Variants in AXDND1 observed in about 807,000 individuals in gnomAD.
The protein encoded by AXDND1 is axonemal dynein light chain domain-containing protein 1.
AXDND1 carries 110 observed loss-of-function variants against 137.5 expected under a neutral mutation model. That is an observed-to-expected ratio of 0.80 (90% confidence interval 0.69 to 0.94). AXDND1 has a LOEUF of 0.94. Among genes scored for constraint, AXDND1 ranks in the 40% least tolerant of loss-of-function variants. AXDND1 has a pLI of 0.00. For synonymous variants in AXDND1, 414 were observed against 399.7 expected, an observed-to-expected ratio of 1.04 and a Z score of -0.43; for missense variants, 1,191 against 1,169.8, an observed-to-expected ratio of 1.02 and a Z score of -0.26.
intron 20 of AXDND1, among the ~76,000 whole-genome samples, chr1:179,508,371 A>G (rs1489430173): frequency 6.6e-6 from 1 of 151,852 alleles, no homozygotes; most frequent in South Asian, 2.1e-4. Context: ...AAAGAAATAT[A>G]AGGTATATTA....
intron 18 of AXDND1, among the ~76,000 whole-genome samples, chr1:179,485,104 G>A (rs1455408112): frequency 6.6e-6 from 1 of 152,178 alleles, no homozygotes; most frequent in Non-Finnish European, 1.5e-5. Context: ...ACATTGGTGG[G>A]CTACCCCCTG....
chr1:179,443,378 C>CT (rs1455263265), intron 15 of AXDND1, among the ~76,000 whole-genome samples: 2 of 152,120 alleles, frequency 1.3e-5, no homozygotes, highest in East Asian at 1.9e-4. Context: ...TTAATAACAT[C>CT]TTTTTTTATT....
chr1:179,404,074 A>G (rs1304042415), intron 11 of AXDND1, among the ~76,000 whole-genome samples: 2 of 152,178 alleles, frequency 1.3e-5, no homozygotes, highest in Non-Finnish European at 2.9e-5. Context: ...GTAAGTTTTG[A>G]TAAATTTTAG....
intron 25 of AXDND1, chr1:179,551,119 C>T: frequency 1.9e-6 from 3 of 1,608,056 alleles, no homozygotes; most frequent in Non-Finnish European, 2.6e-6. Context: ...CTCCCTCAGG[C>T]ATGTGACTTT....
chr1:179,447,248 A>G (rs1659868861), intron 16 of AXDND1, among the ~76,000 whole-genome samples: 1 of 152,202 alleles, frequency 6.6e-6, no homozygotes, highest in Non-Finnish European at 1.5e-5. Flanking sequence ...ATCTGCTATC[A>G]TTCTATTCTC....
intron 4 of AXDND1, among the ~76,000 whole-genome samples, chr1:179,377,904 G>A (rs1647558597): frequency 6.6e-6 from 1 of 152,270 alleles, no homozygotes; most frequent in African/African-American, 2.4e-5. Context: ...CGGGCATGGT[G>A]GCTCATGCCT....
chr1:179,400,095 T>G (rs1006959599), intron 11 of AXDND1, among the ~76,000 whole-genome samples: 1 of 152,110 alleles, frequency 6.6e-6, no homozygotes, highest in African/African-American at 2.4e-5. Context: ...GGAAAAGAAG[T>G]CATTATATGA....
intron 16 of AXDND1, chr1:179,457,026 C>T (rs1661503640): frequency 6.5e-7 from 1 of 1,542,868 alleles, no homozygotes. Context: ...ATCTTTTTCA[C>T]AGTTAAGTGG....
intron 17 of AXDND1, among the ~76,000 whole-genome samples, chr1:179,478,879 C>T (rs1027401116): frequency 2.6e-5 from 4 of 152,020 alleles, no homozygotes; most frequent in African/African-American, 7.2e-5. Context: ...GCAGGTGGAT[C>T]ACTTGAGGTC....
At chr1:179,519,443 C>T (rs1669855529) in intron 21 of AXDND1, among the ~76,000 whole-genome samples, 1 of 152,044 alleles carries the variant, frequency 6.6e-6, no homozygotes, top group Non-Finnish European at 1.5e-5. Context: ...TTGGCATCTT[C>T]ATTGTGAAAT....
At chr1:179,549,563 G>T (rs1264441229) in intron 25 of AXDND1, among the ~76,000 whole-genome samples, 1 of 152,094 alleles carries the variant, frequency 6.6e-6, no homozygotes, top group African/African-American at 2.4e-5. Flanking sequence ...AGTCATAAAA[G>T]CCATTTTTAC....
At chr1:179,542,554 A>G (rs1192374285) in intron 25 of AXDND1, among the ~76,000 whole-genome samples, 1 of 152,212 alleles carries the variant, frequency 6.6e-6, no homozygotes, top group Non-Finnish European at 1.5e-5. Flanking sequence ...TTAAAATTTC[A>G]TCTTCTTATA....
In AXDND1 at chr1:179,488,634, CCTTTCT is replaced by C. The variant is rs1207593692; in HGVS notation, c.2092-2903_2092-2898del. ...TTTCTTTCTTTCTCTCTCTCTCTCT[CCTTTCT>C]TTCTTTCTTTCTTTCTTTCTTTCTT... On this transcript the variant is annotated intron_variant, in intron 18 of 25. Transcript: ENST00000367618. Among the ~76,000 whole-genome samples the C allele has an allele frequency of 2.0e-3, 213 of 105,250 alleles. 39 individuals are homozygous for C. The highest frequency in any genetic ancestry group is 7.9e-3 in the African/African-American group (202 of 25,650). The allele number at this position is 105,250 out of a possible 152,430, so 69.0% of individuals were successfully genotyped here. A position where few individuals can be genotyped will look rare whatever the true frequency, so the allele number is the denominator to read the frequency against.
intron 20 of AXDND1, among the ~76,000 whole-genome samples, chr1:179,497,374 G>A (rs1290322762): frequency 1.3e-5 from 2 of 152,010 alleles, no homozygotes; most frequent in Non-Finnish European, 1.5e-5. Context: ...CATTTAGAGT[G>A]AATTGACTCT....
intron 4 of AXDND1, among the ~76,000 whole-genome samples, chr1:179,377,375 C>T (rs1430773056): frequency 6.6e-6 from 1 of 152,178 alleles, no homozygotes. Context: ...TTAGTCTTTA[C>T]TATGTAAACC....
intron 15 of AXDND1, among the ~76,000 whole-genome samples, chr1:179,441,069 TC>T (rs1658910798): frequency 6.6e-6 from 1 of 152,144 alleles, no homozygotes; most frequent in African/African-American, 2.4e-5. Context: ...CGGGAACCCA[TC>T]CCTGAAACGG....
intron 17 of AXDND1, among the ~76,000 whole-genome samples, chr1:179,475,097 G>C (rs1358088179): frequency 6.6e-6 from 1 of 152,226 alleles, no homozygotes; most frequent in Non-Finnish European, 1.5e-5. Flanking sequence ...CCTTCACCTA[G>C]ATTTCAGAGG....
intron 17 of AXDND1, among the ~76,000 whole-genome samples, chr1:179,471,001 A>G (rs1663858795): frequency 6.6e-6 from 1 of 152,106 alleles, no homozygotes; most frequent in African/African-American, 2.4e-5. Context: ...ATCTAGTGAG[A>G]TGATCATGTG....
intron 23 of AXDND1, among the ~76,000 whole-genome samples, chr1:179,529,164 C>T (rs958888968): frequency 5.9e-5 from 9 of 152,218 alleles, no homozygotes; most frequent in Non-Finnish European, 1.0e-4. Flanking sequence ...CAGTGTCTTA[C>T]TCTCTACAGA....
Sources: gnomAD v4.1 joint callset for allele counts (sites outside exome capture counted in the v4.1 genomes callset) on GRCh38, gnomAD v4.1.1 for gene constraint, MANE v1.5 for transcripts, NCBI Gene and HGNC (gene_info 2026-07-23, HGNC 2026-07-21) for gene names.